Variants in LYRM4 observed in about 807,000 individuals in gnomAD.
LYRM4 encodes the protein LYR motif containing 4.
In LYRM4, 9 loss-of-function variants were observed where a neutral mutation model predicts 11.7. The observed-to-expected ratio is 0.77, with a 90% CI of 0.46 to 1.34. LYRM4 has a LOEUF of 1.34. Among genes scored for constraint, LYRM4 ranks in the 40% most tolerant of loss-of-function variants. LYRM4 has a pLI of 0.00. For synonymous variants in LYRM4, 42 were observed against 40.4 expected (o/e 1.04, Z -0.15); for missense variants, 133 against 112.5 (o/e 1.18, Z -0.82).
intron 2 of LYRM4, among the ~76,000 whole-genome samples, chr6:5,134,683 C>CT (rs1233173458): frequency 3.3e-5 from 5 of 152,200 alleles, no homozygotes; most frequent in Non-Finnish European, 7.3e-5. Context: ...TACAGAGTAT[C>CT]TAACTCTTAA....
At chr6:5,056,292 G>C in the LYRM4 span, among the ~76,000 whole-genome samples, 1 of 152,158 alleles carries the variant, frequency 6.6e-6, no homozygotes, top group African/African-American at 2.4e-5. Flanking sequence ...TCCAGCCTCG[G>C]ATAGATAAAT....
intron 2 of LYRM4, among the ~76,000 whole-genome samples, chr6:5,142,400 C>T (rs1374447885): frequency 1.3e-5 from 2 of 152,144 alleles, no homozygotes; most frequent in African/African-American, 4.8e-5. Flanking sequence ...TGATTCCTGC[C>T]CCCAGCTTTC....
chr6:5,071,833 G>A, the LYRM4 span, among the ~76,000 whole-genome samples: 9 of 151,912 alleles, frequency 5.9e-5, no homozygotes, highest in African/African-American at 9.7e-5. Context: ...TAGTAGAGAC[G>A]GGGGTTTCAC....
chr6:5,092,817 T>C, the LYRM4 span, among the ~76,000 whole-genome samples: 2 of 152,238 alleles, frequency 1.3e-5, no homozygotes, highest in Non-Finnish European at 2.9e-5. Flanking sequence ...GTCGTGTTTA[T>C]GTGCACAGAC....
chr6:5,160,404 C>T (rs916042477), intron 2 of LYRM4, among the ~76,000 whole-genome samples: 13 of 152,166 alleles, frequency 8.5e-5, no homozygotes, highest in Admixed American at 2.6e-4. Flanking sequence ...TGAATTCCCA[C>T]GTGTGGTGGG....
intron 2 of LYRM4, among the ~76,000 whole-genome samples, chr6:5,145,450 T>C (rs187383697): frequency 5.3e-5 from 8 of 152,322 alleles, no homozygotes; most frequent in East Asian, 1.9e-4. Flanking sequence ...TAATAAAACA[T>C]GTGCTTAATT....
intron 2 of LYRM4, among the ~76,000 whole-genome samples, chr6:5,138,306 A>G (rs1445310423): frequency 6.6e-6 from 1 of 151,830 alleles, no homozygotes; most frequent in African/African-American, 2.4e-5. Flanking sequence ...CAACATGACA[A>G]AACCCTGTCT....
At chr6:5,200,347 C>T (rs967937933) in intron 2 of LYRM4, among the ~76,000 whole-genome samples, 2 of 152,116 alleles carry the variant, frequency 1.3e-5, no homozygotes, top group Middle Eastern at 3.2e-3. Flanking sequence ...TGGCTCTAAG[C>T]CCTGTTATTC....
the LYRM4 span, among the ~76,000 whole-genome samples, chr6:5,078,717 C>T: frequency 1.7e-4 from 26 of 152,198 alleles, no homozygotes; most frequent in East Asian, 1.2e-3. Context: ...TATTCCCTTG[C>T]CATATTTCAG....
intron 2 of LYRM4, among the ~76,000 whole-genome samples, chr6:5,184,837 C>T (rs1402236083): frequency 6.6e-6 from 1 of 152,178 alleles, no homozygotes; most frequent in Non-Finnish European, 1.5e-5. Context: ...ACGGTCCTTG[C>T]AGATATCAGC....
intron 1 of LYRM4, among the ~76,000 whole-genome samples, chr6:5,218,083 A>AC (rs111884761): frequency 0.049 from 7,423 of 151,998 alleles, 584 homozygotes; most frequent in African/African-American, 0.16. Flanking sequence ...AATTAAAAAA[A>AC]ATTTTGGGGG....
Position 5,249,513 on chromosome 6 carries a change from C to T in LYRM4, c.86+11135G>A, listed in dbSNP as rs147276998. Among the ~76,000 whole-genome samples, 336 of 152,152 alleles carry T rather than the reference C, an allele frequency of 2.2e-3. 2 individuals carry two copies. Among genetic ancestry groups the T allele is most frequent in the African/African-American group, 7.4e-3 (306 of 41,496 alleles). On this transcript the variant is annotated intron_variant, in intron 1 of 2. Coordinates refer to ENST00000330636, the MANE Select transcript of LYRM4 (RefSeq NM_020408.6). ...TCATTTCTGCGATCTATTTTTTAAC[C>T]TCAAAACGTCTGAGTTAAGAGAACT...
intron 1 of LYRM4, among the ~76,000 whole-genome samples, chr6:5,251,577 G>A (rs1055310386): frequency 5.9e-5 from 9 of 152,158 alleles, no homozygotes; most frequent in African/African-American, 2.2e-4. Context: ...GATCTCATGA[G>A]AACTCACTCA....
At chr6:5,182,472 T>G (rs2127680299) in intron 2 of LYRM4, among the ~76,000 whole-genome samples, 1 of 152,384 alleles carries the variant, frequency 6.6e-6, no homozygotes, top group South Asian at 2.1e-4. Context: ...AAAATTCATT[T>G]TAAAGTTTCA....
At chr6:5,227,802 T>C (rs1762978874) in intron 1 of LYRM4, among the ~76,000 whole-genome samples, 1 of 152,142 alleles carries the variant, frequency 6.6e-6, no homozygotes, top group Admixed American at 6.5e-5. Flanking sequence ...ACTAAACAGT[T>C]ATAAAAAAGA....
At chr6:5,045,497 AG>A in the LYRM4 span, among the ~76,000 whole-genome samples, 11 of 152,176 alleles carry the variant, frequency 7.2e-5, no homozygotes, top group African/African-American at 2.7e-4. Context: ...AAAGGTACAG[AG>A]TTTCAGTTTG....
the LYRM4 span, chr6:5,032,427 T>C: frequency 6.6e-6 from 1 of 152,236 alleles, no homozygotes; most frequent in Non-Finnish European, 1.5e-5. Flanking sequence ...AATTAAAAGA[T>C]ACAGTTTAAT....
chr6:5,143,492 C>T (rs1346333697), intron 2 of LYRM4, among the ~76,000 whole-genome samples: 1 of 152,204 alleles, frequency 6.6e-6, no homozygotes, highest in Non-Finnish European at 1.5e-5. Flanking sequence ...ATTATAAAGA[C>T]AAACCGAGTA....
At chr6:5,107,307 A>C (rs747599745), downstream of LYRM4, 1 of 152,358 alleles carries the variant, frequency 6.6e-6, no homozygotes, top group African/African-American at 2.4e-5. Flanking sequence ...GAGTGGGAGA[A>C]GTCTCCTCTG....
Sources: gnomAD v4.1 joint callset for allele counts (sites outside exome capture counted in the v4.1 genomes callset) on GRCh38, gnomAD v4.1.1 for gene constraint, MANE v1.5 for transcripts, NCBI Gene and HGNC (gene_info 2026-07-23, HGNC 2026-07-21) for gene names.